SMAP1: variants seen among roughly 807,000 people sequenced by gnomAD.
SMAP1 encodes the protein small ArfGAP 1.
A neutral mutation model predicts 58.5 loss-of-function variants in SMAP1; 24 were observed. The observed-to-expected ratio is 0.41, with a 90% CI of 0.30 to 0.58. The LOEUF (loss-of-function observed/expected upper bound fraction) is 0.58. Ranked by LOEUF, SMAP1 falls within the 20% of genes least tolerant of loss-of-function variation. SMAP1 has a pLI of 0.29. For missense variants in SMAP1, 563 were observed against 566.3 expected (o/e 0.99, Z 0.06); for synonymous variants, 216 against 196.6 (o/e 1.10, Z -0.82).
chr6:70,732,032 C>G (rs925217144), intron 1 of SMAP1, among the ~76,000 whole-genome samples: 5 of 151,934 alleles, frequency 3.3e-5, no homozygotes, highest in African/African-American at 1.2e-4. Flanking sequence ...TTGTGCATAT[C>G]TTATGCATTT....
chr6:70,715,557 T>A (rs1768233708), intron 1 of SMAP1, among the ~76,000 whole-genome samples: 1 of 152,210 alleles, frequency 6.6e-6, no homozygotes, highest in Admixed American at 6.5e-5. Context: ...GCCTATATTG[T>A]GATGGCTTCA....
intron 6 of SMAP1, among the ~76,000 whole-genome samples, chr6:70,833,701 G>A (rs1209312016): frequency 6.6e-6 from 1 of 152,176 alleles, no homozygotes; most frequent in African/African-American, 2.4e-5. Context: ...TCACATGTGT[G>A]TGCAAATGTG....
chr6:70,856,695 TA>T (rs1260113448), intron 8 of SMAP1, 163 bp from the exon 9 acceptor site: 1 of 569,344 alleles, frequency 1.8e-6, no homozygotes, highest in Non-Finnish European at 2.9e-6. Context: ...TAGATGTTTT[TA>T]TATGGGCTTG....
At chr6:70,757,214 G>A (rs1322732762) in intron 3 of SMAP1, among the ~76,000 whole-genome samples, 22 of 146,140 alleles carry the variant, frequency 1.5e-4, no homozygotes, top group African/African-American at 2.2e-4. Flanking sequence ...AAATAACGCC[G>A]CATATCTACA....
intron 7 of SMAP1, among the ~76,000 whole-genome samples, chr6:70,837,618 G>C (rs1770643782): frequency 1.3e-5 from 2 of 150,730 alleles, no homozygotes; most frequent in Non-Finnish European, 2.9e-5. Context: ...TTCATTCAAG[G>C]AGTGTTTATA....
intron 1 of SMAP1, among the ~76,000 whole-genome samples, chr6:70,730,546 A>G (rs966121778): frequency 6.6e-6 from 1 of 152,226 alleles, no homozygotes; most frequent in African/African-American, 2.4e-5. Context: ...CTCTATCTAG[A>G]GTTGTCACAG....
chr6:70,757,149 T>C (rs1255094546), intron 3 of SMAP1, among the ~76,000 whole-genome samples: 50 of 151,898 alleles, frequency 3.3e-4, no homozygotes, highest in African/African-American at 1.1e-3. Flanking sequence ...CAAAACAGCA[T>C]GGTACTGGTA....
At chr6:70,732,673 T>C (rs957679987) in intron 2 of SMAP1, among the ~76,000 whole-genome samples, 162 bp downstream of exon 2, 1 of 152,244 alleles carries the variant, frequency 6.6e-6, no homozygotes, top group East Asian at 1.9e-4. Context: ...AGTTCACAGA[T>C]GTTTATTTCA....
chr6:70,707,476 T>C (rs184202074), intron 1 of SMAP1, among the ~76,000 whole-genome samples: 2 of 152,350 alleles, frequency 1.3e-5, no homozygotes, highest in Admixed American at 1.3e-4. Context: ...GGTCTTTTAC[T>C]GTTGCCTTTG....
chr6:70,686,233 T>G (rs2128553801), intron 1 of SMAP1, among the ~76,000 whole-genome samples: 1 of 152,354 alleles, frequency 6.6e-6, no homozygotes, highest in Non-Finnish European at 1.5e-5. Context: ...ATCTTTAGTA[T>G]TTTTATGCTT....
At chr6:70,840,715 CTATT>C (rs1299837626) in intron 7 of SMAP1, among the ~76,000 whole-genome samples, 1 of 152,206 alleles carries the variant, frequency 6.6e-6, no homozygotes, top group African/African-American at 2.4e-5. Context: ...TATAGGACTA[CTATT>C]TATTATAGTA....
chr6:70,676,167 T>A (rs1380123180), intron 1 of SMAP1, among the ~76,000 whole-genome samples: 1 of 152,250 alleles, frequency 6.6e-6, no homozygotes, highest in East Asian at 1.9e-4. Context: ...CTTTGCTGAT[T>A]GTGCTTAGTA....
chr6:70,843,694 A>C (rs77190822), intron 7 of SMAP1, among the ~76,000 whole-genome samples: 2,981 of 152,314 alleles, frequency 0.02, 39 homozygotes, highest in Middle Eastern at 0.065. Context: ...GGCAGTATTA[A>C]GTCATGGGGG....
intron 2 of SMAP1, among the ~76,000 whole-genome samples, chr6:70,743,700 G>A (rs1765905081): frequency 6.6e-6 from 1 of 152,120 alleles, no homozygotes; most frequent in Non-Finnish European, 1.5e-5. Context: ...AGGGCCTCAG[G>A]TATATGCTTA....
At chr6:70,853,934 T>C (rs913837059) in intron 8 of SMAP1, among the ~76,000 whole-genome samples, 1 of 152,228 alleles carries the variant, frequency 6.6e-6, no homozygotes, top group Non-Finnish European at 1.5e-5. Flanking sequence ...GCTAGACTTA[T>C]TTAGCACTGT....
At chr6:70,679,759 T>C (rs1047999830) in intron 1 of SMAP1, among the ~76,000 whole-genome samples, 7 of 152,202 alleles carry the variant, frequency 4.6e-5, no homozygotes, top group South Asian at 2.1e-4. Context: ...ATCAGAGATA[T>C]CATGCTCATG....
chr6:70,711,532 T>C (rs1768057125), intron 1 of SMAP1, among the ~76,000 whole-genome samples: 1 of 151,950 alleles, frequency 6.6e-6, no homozygotes, highest in East Asian at 1.9e-4. Flanking sequence ...TCTTTTTTTT[T>C]TTTTTCTTTT....
intron 7 of SMAP1, among the ~76,000 whole-genome samples, chr6:70,841,898 C>A (rs1770820763): frequency 6.6e-6 from 1 of 152,172 alleles, no homozygotes; most frequent in Admixed American, 6.5e-5. Flanking sequence ...ACTTACCTTT[C>A]AAACAGAAGA....
chr6:70,798,629 CTT>C, intron 5 of SMAP1, 26 bp from the exon 6 acceptor site: 1 of 1,458,602 alleles, frequency 6.9e-7, no homozygotes, highest in Non-Finnish European at 9.1e-7. Flanking sequence ...AAAAAGTAAA[CTT>C]ATCAAAACTT....
Sources: allele counts gnomAD v4.1 joint callset (sites outside exome capture counted in the v4.1 genomes callset), GRCh38; gene constraint gnomAD v4.1.1; transcripts MANE v1.5; gene names NCBI Gene and HGNC (gene_info 2026-07-23, HGNC 2026-07-21).